Variants in PSMB1 observed in about 807,000 individuals in gnomAD.
The protein encoded by PSMB1 is proteasome subunit beta type-1.
In PSMB1, 7 loss-of-function variants were observed where a neutral mutation model predicts 25.4. The ratio of observed to expected loss-of-function variants is 0.28; its 90% confidence interval spans 0.16 to 0.52. The LOEUF (loss-of-function observed/expected upper bound fraction) is 0.52. PSMB1 is among the 20% of genes least tolerant of loss of function. The probability of loss-of-function intolerance (pLI) is 0.97; values close to 1 mark genes in which losing one functional copy is unlikely to be tolerated. For synonymous variants in PSMB1, 119 were observed against 115.0 expected, an observed-to-expected ratio of 1.03 and a Z score of -0.22; for missense variants, 284 against 302.2, an observed-to-expected ratio of 0.94 and a Z score of 0.45.
chr6:170,544,791 A>T (rs1487943353), intron 3 of PSMB1, among the ~76,000 whole-genome samples: 2 of 152,140 alleles, frequency 1.3e-5, no homozygotes, highest in Non-Finnish European at 2.9e-5. Context: ...AATGAACTAC[A>T]AGTAACAGGT....
At chr6:170,538,624 A>C (rs1778721915) in intron 4 of PSMB1, among the ~76,000 whole-genome samples, 1 of 152,162 alleles carries the variant, frequency 6.6e-6, no homozygotes, top group Admixed American at 6.5e-5. Context: ...GCTTGAACCC[A>C]GGAGGCGGAG....
intron 4 of PSMB1, among the ~76,000 whole-genome samples, chr6:170,537,660 G>C (rs1778711592): frequency 6.6e-6 from 1 of 152,192 alleles, no homozygotes; most frequent in Non-Finnish European, 1.5e-5. Context: ...AGAAAGGGTG[G>C]GTAAGAGGGA....
At chr6:170,546,285 A>G (rs1778817574) in intron 2 of PSMB1, 101 bp from the exon 3 acceptor site, 1 of 912,238 alleles carries the variant, frequency 1.1e-6, no homozygotes, top group Non-Finnish European at 1.7e-6. Context: ...ACTATTCCCT[A>G]AATGGTAATG....
intron 4 of PSMB1, among the ~76,000 whole-genome samples, chr6:170,538,927 G>A (rs768951480): frequency 6.6e-6 from 1 of 152,206 alleles, no homozygotes; most frequent in Non-Finnish European, 1.5e-5. Flanking sequence ...CAAGTAAACT[G>A]AGGCCCAAAA....
chr6:170,536,068 A>G (rs925349532), intron 5 of PSMB1, among the ~76,000 whole-genome samples: 2 of 152,200 alleles, frequency 1.3e-5, no homozygotes, highest in Non-Finnish European at 2.9e-5. Context: ...AGTAATCACA[A>G]AGAGGGACGA....
intron 5 of PSMB1, among the ~76,000 whole-genome samples, chr6:170,535,807 C>A (rs1008446189): frequency 3.9e-5 from 6 of 152,142 alleles, no homozygotes; most frequent in African/African-American, 1.4e-4. Flanking sequence ...CTGAAGAGCA[C>A]AGAACATTCC....
At chr6:170,537,084 C>T (rs1457811465) in intron 5 of PSMB1, 150 bp downstream of exon 5, 15 of 629,620 alleles carry the variant, frequency 2.4e-5, no homozygotes, top group Admixed American at 1.0e-4. Context: ...CTGTAGGACA[C>T]GTCTGCCAAA....
At chr6:170,545,423 A>G (rs1778806641) in intron 3 of PSMB1, among the ~76,000 whole-genome samples, 1 of 152,250 alleles carries the variant, frequency 6.6e-6, no homozygotes, top group African/African-American at 2.4e-5. Context: ...AACAATTGAT[A>G]AATACTGAGT....
chr6:170,541,023 C>A (rs1778752910), intron 4 of PSMB1, among the ~76,000 whole-genome samples: 1 of 151,872 alleles, frequency 6.6e-6, no homozygotes, highest in Non-Finnish European at 1.5e-5. Flanking sequence ...TTTCAGAACA[C>A]CAGGGTAAAG....
rs192589042 is a variant in PSMB1, at chr6:170,550,756, A to C, written c.114-1643T>G. On this transcript the variant is annotated intron_variant, in intron 1 of 5. Coordinates refer to ENST00000262193, the MANE Select transcript of PSMB1 (RefSeq NM_002793.4). ...AATAGACAAATTTTTATATCTACGCAAATGTTTTAGGAACTGGGAAAACCA... is the reference window on the plus strand; with the variant it reads ...AATAGACAAATTTTTATATCTACGCCAATGTTTTAGGAACTGGGAAAACCA... Among the ~76,000 whole-genome samples the C allele has an allele frequency of 2.0e-5, 3 of 152,310 alleles. No individual in the cohort carries two copies. In the East Asian group the frequency reaches 5.8e-4, roughly 29 times the overall value.
chr6:170,539,618 T>G (rs931002734), intron 4 of PSMB1, among the ~76,000 whole-genome samples: 1 of 152,194 alleles, frequency 6.6e-6, no homozygotes, highest in African/African-American at 2.4e-5. Flanking sequence ...ATTCTAATAC[T>G]GGGAAGGTTA....
intron 4 of PSMB1, 118 bp from the exon 5 acceptor site, chr6:170,537,458 A>C: frequency 1.3e-6 from 1 of 743,884 alleles, no homozygotes. Flanking sequence ...CTAAAACTTC[A>C]GGGAACAGTT....
At chr6:170,538,895 C>T (rs923773723) in intron 4 of PSMB1, among the ~76,000 whole-genome samples, 1 of 152,072 alleles carries the variant, frequency 6.6e-6, no homozygotes, top group South Asian at 2.1e-4. Context: ...ATGATTGTAT[C>T]TCTCATGAGG....
chr6:170,545,454 A>G (rs548550333), intron 3 of PSMB1, among the ~76,000 whole-genome samples: 5 of 152,332 alleles, frequency 3.3e-5, no homozygotes, highest in Admixed American at 3.3e-4. Context: ...CTACACATTC[A>G]AAAAGCATGT....
chr6:170,539,243 T>C (rs1778729991), intron 4 of PSMB1, among the ~76,000 whole-genome samples: 1 of 152,118 alleles, frequency 6.6e-6, no homozygotes, highest in Admixed American at 6.5e-5. Flanking sequence ...CAGCTAAGCT[T>C]TGGATGGGAG....
chr6:170,536,015 A>C (rs1778686284), intron 5 of PSMB1, among the ~76,000 whole-genome samples: 1 of 152,180 alleles, frequency 6.6e-6, no homozygotes, highest in African/African-American at 2.4e-5. Flanking sequence ...ATGTTAGGAA[A>C]TAAATCCAAT....
In PSMB1 at chr6:170,541,521, CAA is replaced by C. The variant is rs557980379; in HGVS notation, c.433+2078_433+2079del. On this transcript the variant is annotated intron_variant, in intron 4 of 5. Coordinates refer to ENST00000262193, the MANE Select transcript of PSMB1 (RefSeq NM_002793.4). ...CAGAACAAAACACCAAAAGATATCT[CAA>C]AAGAGTGCAGTACAAATACAGAGTT... Among the ~76,000 whole-genome samples the C allele has an allele frequency of 2.4e-3, 369 of 152,012 alleles. 3 individuals are homozygous for C. Among genetic ancestry groups the C allele is most frequent in the African/African-American group, 8.4e-3 (347 of 41,440 alleles).
At chr6:170,538,169 T>C (rs1185279026) in intron 4 of PSMB1, among the ~76,000 whole-genome samples, 5 of 152,346 alleles carry the variant, frequency 3.3e-5, no homozygotes, top group Non-Finnish European at 7.4e-5. Flanking sequence ...TATTTGAGTT[T>C]GTTACAAAGA....
Position 170,553,234 on chromosome 6 carries a change from G to T in PSMB1, c.9C>A (p.Ser3=). ...CAGGAGCCGAATACATGGCTGTAGA[G>T]GACAACATCGCACGGCTGCGCCTGC... ML[S]STAMYSAPGR... Residue 3 remains serine (S), a synonymous_variant, in exon 1 of 6, where the codon TCC becomes TCA. Coordinates refer to ENST00000262193, the MANE Select transcript of PSMB1 (RefSeq NM_002793.4). 6.2e-7 allele frequency: 1 copy of T among 1,610,976 alleles called. No individual in the cohort carries two copies. The highest frequency in any genetic ancestry group is 8.5e-7 in the Non-Finnish European group (1 of 1,178,316).
Sources: gnomAD v4.1 joint callset for allele counts (sites outside exome capture counted in the v4.1 genomes callset) on GRCh38, gnomAD v4.1.1 for gene constraint, MANE v1.5 for transcripts, NCBI Gene and HGNC (gene_info 2026-07-23, HGNC 2026-07-21) for gene names.